Variants in KIRREL3 observed in about 807,000 individuals in gnomAD.
The protein encoded by KIRREL3 is kin of IRRE-like protein 3.
A neutral mutation model predicts 89.7 loss-of-function variants in KIRREL3; 36 were observed. That is an observed-to-expected ratio of 0.40 (90% CI 0.31 to 0.53). The LOEUF (loss-of-function observed/expected upper bound fraction) is 0.53. Among genes scored for constraint, KIRREL3 ranks in the 20% least tolerant of loss-of-function variants. The pLI is 0.49. For missense variants in KIRREL3, 864 were observed against 1,056.6 expected (o/e 0.82, Z 2.53); for synonymous variants, 445 against 441.4 (o/e 1.01, Z -0.10).
rs1216086275 is a variant in KIRREL3, at chr11:126,687,341, A to G, written c.56-124429T>C. On this transcript the variant is annotated intron_variant, in intron 1 of 16. Transcript: ENST00000525144. This position sits in a 1 kb window ranked among gnomAD's most constrained non-coding sequence, Gnocchi z 4.6. ...CACAGAGAGGGAAAAATCAACGCAT[A>G]CCTCCCAACATAACATCCCCAAATT... Among the ~76,000 whole-genome samples, 1 of 151,984 alleles carries G rather than the reference A, an allele frequency of 6.6e-6. No individual in the cohort carries two copies. Among genetic ancestry groups the G allele is most frequent in the East Asian group, 1.9e-4 (1 of 5,182 alleles).
intron 12 of KIRREL3, 116 bp downstream of exon 12, chr11:126,436,695 G>A: frequency 5.5e-6 from 6 of 1,095,892 alleles, no homozygotes; most frequent in Non-Finnish European, 8.0e-6. Context: ...GAAGAGCACT[G>A]TGGCTTGTCC....
intron 5 of KIRREL3, among the ~76,000 whole-genome samples, chr11:126,472,935 C>T (rs1311545296): frequency 4.5e-5 from 6 of 133,168 alleles, no homozygotes; most frequent in Non-Finnish European, 8.0e-5. Flanking sequence ...CATTATCCCC[C>T]CTCTACCTAA....
intron 4 of KIRREL3, among the ~76,000 whole-genome samples, chr11:126,511,047 C>CTGTGTGTG (rs55885385): frequency 0.032 from 4,594 of 142,148 alleles, 72 homozygotes; most frequent in Admixed American, 0.037. Flanking sequence ...ATCTGCAGTG[C>CTGTGTGTG]TGTGTGTGTG....
intron 1 of KIRREL3, among the ~76,000 whole-genome samples, chr11:126,661,408 C>A (rs1034997180): frequency 6.6e-6 from 1 of 152,160 alleles, no homozygotes; most frequent in Non-Finnish European, 1.5e-5. Context: ...CAAATAACGA[C>A]GAGAGATGAA....
chr11:126,496,519 G>T lies in KIRREL3; in HGVS notation c.434-23053C>A, dbSNP rs1037979714. On this transcript the variant is annotated intron_variant, in intron 4 of 16. Transcript: ENST00000525144. The surrounding 1 kb of genome is among the most constrained non-coding windows in gnomAD (Gnocchi z 4.9). ...ATTTCTTCTCACTCCCTTCACAAAT[G>T]AGAACCCAAGGTGTTGGCCAAGTTT... 2.0e-5 allele frequency among the ~76,000 whole-genome samples: 3 copies of T among 152,048 alleles called. No individual in the cohort carries two copies. Among genetic ancestry groups the T allele is most frequent in the Admixed American group, 6.5e-5 (1 of 15,268 alleles).
chr11:126,444,213 C>CA lies in KIRREL3; in HGVS notation c.1252+765dup, dbSNP rs373023487. On this transcript the variant is annotated intron_variant, in intron 10 of 16. Transcript: ENST00000525144. ...ATTATTTTTATTATATATAATAAGA[C>CA]ATGCCCCCTGCCCTCAAGGGGGCCC... is the stretch of plus-strand genomic sequence containing the variant. Among the ~76,000 whole-genome samples the CA allele has an allele frequency of 1.7e-4, 26 of 152,312 alleles. 1 individual carries two copies. The highest frequency in any genetic ancestry group is 6.3e-4 in the African/African-American group (26 of 41,560).
At chr11:126,546,121 T>G (rs908609973) in intron 2 of KIRREL3, among the ~76,000 whole-genome samples, 2 of 152,242 alleles carry the variant, frequency 1.3e-5, no homozygotes, top group African/African-American at 4.8e-5. Flanking sequence ...AATAAGGGGC[T>G]GTGGCAGTGA....
chr11:126,941,296 G>A (rs1384381801), intron 1 of KIRREL3, among the ~76,000 whole-genome samples: 1 of 151,978 alleles, frequency 6.6e-6, no homozygotes, highest in Non-Finnish European at 1.5e-5. Flanking sequence ...TATTTAACTG[G>A]CCAAAATTGC....
chr11:126,697,155 G>T lies in KIRREL3; in HGVS notation c.56-134243C>A, dbSNP rs1243446258. Among the ~76,000 whole-genome samples the T allele has an allele frequency of 6.6e-6, 1 of 152,116 alleles. No individual in the cohort carries two copies. The highest frequency in any genetic ancestry group is 6.5e-5 in the Admixed American group (1 of 15,278). The stretch of plus-strand genomic sequence containing the variant: ...AAATGAAGGCTTAGTCACTTCCTCC[G>T]CTGGTCCCCCAGACCTGTGTTCACC... On this transcript the variant is annotated intron_variant, in intron 1 of 16. Coordinates refer to ENST00000525144, the MANE Select transcript of KIRREL3 (RefSeq NM_032531.4). This position sits in a 1 kb window ranked among gnomAD's most constrained non-coding sequence, Gnocchi z 4.2.
At chr11:126,949,918 C>T (rs1370678579) in intron 1 of KIRREL3, among the ~76,000 whole-genome samples, 2 of 152,176 alleles carry the variant, frequency 1.3e-5, no homozygotes, top group African/African-American at 2.4e-5. Flanking sequence ...ACATTAAAAC[C>T]AAAATAAATA....
At chr11:126,707,411 T>C (rs967170921) in intron 1 of KIRREL3, among the ~76,000 whole-genome samples, 1 of 152,172 alleles carries the variant, frequency 6.6e-6, no homozygotes, top group African/African-American at 2.4e-5. Flanking sequence ...TCTCCACAAA[T>C]GTCTAGCTAG....
intron 1 of KIRREL3, among the ~76,000 whole-genome samples, chr11:126,737,937 T>C (rs767935900): frequency 6.6e-6 from 1 of 152,196 alleles, no homozygotes; most frequent in Non-Finnish European, 1.5e-5. Flanking sequence ...ACAGTCACCC[T>C]GTGGTACTAC....
Position 126,639,812 on chromosome 11 carries a change from C to T in KIRREL3, c.56-76900G>A, listed in dbSNP as rs900512288. Among the ~76,000 whole-genome samples, 1 of 152,178 alleles carries T rather than the reference C, an allele frequency of 6.6e-6. No homozygotes were observed. Among genetic ancestry groups the T allele is most frequent in the Non-Finnish European group, 1.5e-5 (1 of 68,016 alleles). On this transcript the variant is annotated intron_variant, in intron 1 of 16. Coordinates refer to ENST00000525144, the MANE Select transcript of KIRREL3 (RefSeq NM_032531.4). This position sits in a 1 kb window ranked among gnomAD's most constrained non-coding sequence, Gnocchi z 4.3. ...AATAGACACAAGAAGGAGCTAAACTCATTTCAGGTTTGACCTCTGTGGCTG... is the reference window on the plus strand; with the variant it reads ...AATAGACACAAGAAGGAGCTAAACTTATTTCAGGTTTGACCTCTGTGGCTG...
chr11:126,835,103 A>T (rs931895141), intron 1 of KIRREL3, among the ~76,000 whole-genome samples: 1 of 152,176 alleles, frequency 6.6e-6, no homozygotes, highest in African/African-American at 2.4e-5. Context: ...ATTAATCCTC[A>T]GTGAGTTGAA....
chr11:126,913,105 C>T (rs1466089376), intron 1 of KIRREL3, among the ~76,000 whole-genome samples: 1 of 152,210 alleles, frequency 6.6e-6, no homozygotes, highest in Non-Finnish European at 1.5e-5. Context: ...TTCTGTAACA[C>T]CTGGAGCTGA....
At chr11:126,456,245 G>GCA (rs1956340372) in intron 7 of KIRREL3, 104 bp downstream of exon 7, 1 of 740,784 alleles carries the variant, frequency 1.3e-6, no homozygotes, top group Non-Finnish European at 2.4e-6. Flanking sequence ...TGTGGACTAG[G>GCA]CACACACTGC....
intron 1 of KIRREL3, chr11:126,936,395 C>T (rs1948185574): frequency 6.6e-6 from 1 of 151,860 alleles, no homozygotes; most frequent in South Asian, 2.1e-4. Flanking sequence ...GATGTCTGCC[C>T]AAGAGAAATG....
chr11:126,880,555 A>G (rs1945457808), intron 1 of KIRREL3, among the ~76,000 whole-genome samples: 1 of 152,202 alleles, frequency 6.6e-6, no homozygotes, highest in African/African-American at 2.4e-5. Flanking sequence ...GCATGGATAT[A>G]AATATAAGAG....
intron 1 of KIRREL3, among the ~76,000 whole-genome samples, chr11:126,770,338 C>T (rs1352181108): frequency 1.3e-5 from 2 of 152,168 alleles, no homozygotes; most frequent in Non-Finnish European, 1.5e-5. Context: ...GGTTGGTCCC[C>T]AAGACTTCTG....
Sources: gnomAD v4.1 joint callset for allele counts (sites outside exome capture counted in the v4.1 genomes callset) on GRCh38, gnomAD v4.1.1 for gene constraint, Gnocchi (gnomAD v3.1) non-coding constraint, MANE v1.5 for transcripts, NCBI Gene and HGNC (gene_info 2026-07-23, HGNC 2026-07-21) for gene names.